The following MAP3K5 variants were observed in gnomAD, a reference collection of about 807,000 sequenced individuals.
MAP3K5 encodes the protein ASK-1.
Under a neutral mutation model 158.7 loss-of-function variants are expected in MAP3K5, and 56 were observed. The ratio of observed to expected loss-of-function variants is 0.35; its 90% CI spans 0.28 to 0.44. The LOEUF is 0.44. MAP3K5 is among the 20% of genes least tolerant of loss of function. The pLI is 1.00. For synonymous variants in MAP3K5, 579 were observed against 601.7 expected (o/e 0.96, Z 0.55); for missense variants, 1,294 against 1,674.8 (o/e 0.77, Z 3.97).
chr6:136,747,656 C>T (rs952728558), intron 1 of MAP3K5, among the ~76,000 whole-genome samples: 80 of 152,166 alleles, frequency 5.3e-4, no homozygotes, highest in African/African-American at 1.9e-3. Flanking sequence ...ATTGTGAGTT[C>T]AGACTAGTGT....
chr6:136,705,027 G>T, intron 3 of MAP3K5, 83 bp downstream of exon 3: 2 of 668,870 alleles, frequency 3.0e-6, no homozygotes, highest in Non-Finnish European at 5.0e-6. Flanking sequence ...TTAATAATTT[G>T]TGGAGATTTT....
In MAP3K5 at chr6:136,720,550, G is replaced by A. The variant is rs758452409; in HGVS notation, c.488C>T (p.Pro163Leu). 13 of 1,612,642 alleles carry A rather than the reference G, an allele frequency of 8.1e-6. No homozygotes were observed. Among genetic ancestry groups the A allele is most frequent in the East Asian group, 2.2e-5 (1 of 44,758 alleles). Reference sequence around the variant, plus strand: ...CACCCCAAGGTGGTAAAACAAGGACGGCTGCCGGAAGGCATCGCTCATCTC... The same window carrying A: ...CACCCCAAGGTGGTAAAACAAGGACAGCTGCCGGAAGGCATCGCTCATCTC... ...VVEMSDAFRQPSLFYHLGVRE... is the reference protein window; with the variant it reads ...VVEMSDAFRQLSLFYHLGVRE... The change falls in exon 2 of 30, where the codon CCG becomes CTG. Residue 163 changes from proline to leucine, a missense_variant. Around this residue, in one of 5 missense-constraint regions of MAP3K5, gnomAD observed 690 missense variants for 870.5 expected, o/e 0.79. Transcript: ENST00000359015.
intron 25 of MAP3K5, among the ~76,000 whole-genome samples, chr6:136,576,969 G>A (rs1013192364): frequency 1.3e-5 from 2 of 151,978 alleles, no homozygotes; most frequent in Non-Finnish European, 2.9e-5. Context: ...TGCGCATCTA[G>A]TAGGCTCTGC....
chr6:136,702,425 C>T (rs1017666794), intron 3 of MAP3K5, among the ~76,000 whole-genome samples: 1 of 152,176 alleles, frequency 6.6e-6, no homozygotes, highest in Non-Finnish European at 1.5e-5. Flanking sequence ...AATGTTATTT[C>T]TGTATTTTCT....
chr6:136,784,654 G>C (rs758851008), intron 1 of MAP3K5, among the ~76,000 whole-genome samples: 3 of 152,100 alleles, frequency 2.0e-5, no homozygotes, highest in Non-Finnish European at 2.9e-5. Flanking sequence ...GGGGCTGCAG[G>C]GCGGTTCCAA....
chr6:136,782,055 GAAA>G lies in MAP3K5; in HGVS notation c.448+9652_448+9654del, dbSNP rs376414394. Among the ~76,000 whole-genome samples, 37 of 132,782 alleles carry G rather than the reference GAAA, an allele frequency of 2.8e-4. 2 individuals are homozygous for G. Among genetic ancestry groups the G allele is most frequent in the Admixed American group, 1.1e-3 (15 of 13,392 alleles). The allele number at this position is 132,782 out of a possible 152,430, so 87.1% of individuals were successfully genotyped here. Reference sequence around the variant, plus strand: ...ACAAGGCAAAACCCTGTCTCTACTGGAAAAAAAAAAAAAAAAAGGGTATTTGAC... The same window carrying G: ...ACAAGGCAAAACCCTGTCTCTACTGGAAAAAAAAAAAAAAGGGTATTTGAC... On this transcript the variant is annotated intron_variant, in intron 1 of 29. Transcript: ENST00000359015.
chr6:136,617,887 C>G (rs1269801256), intron 15 of MAP3K5, among the ~76,000 whole-genome samples: 1 of 152,030 alleles, frequency 6.6e-6, no homozygotes, highest in Non-Finnish European at 1.5e-5. Flanking sequence ...GAGCCGAGAT[C>G]GCGCCACTGC....
chr6:136,782,213 G>T (rs779607236), intron 1 of MAP3K5, among the ~76,000 whole-genome samples: 9 of 151,216 alleles, frequency 6.0e-5, no homozygotes, highest in Non-Finnish European at 1.3e-4. Flanking sequence ...CCAGGAGTTA[G>T]AGACTGCAGT....
At chr6:136,790,568 G>A (rs1160897306) in intron 1 of MAP3K5, among the ~76,000 whole-genome samples, 1 of 152,162 alleles carries the variant, frequency 6.6e-6, no homozygotes, top group Non-Finnish European at 1.5e-5. Context: ...TTAACATGAA[G>A]GTCTTGTTGT....
At chr6:136,726,196 G>A (rs1202817922) in intron 1 of MAP3K5, among the ~76,000 whole-genome samples, 1 of 152,166 alleles carries the variant, frequency 6.6e-6, no homozygotes, top group Non-Finnish European at 1.5e-5. Context: ...GCTGGCTGTT[G>A]ATATCTATCA....
At chr6:136,612,360 C>T (rs1776381347) in intron 17 of MAP3K5, among the ~76,000 whole-genome samples, 1 of 152,120 alleles carries the variant, frequency 6.6e-6, no homozygotes, top group Non-Finnish European at 1.5e-5. Flanking sequence ...AAATATGATT[C>T]CTAATTGGTT....
chr6:136,570,024 G>C (rs1022113437), intron 25 of MAP3K5, among the ~76,000 whole-genome samples: 1 of 152,086 alleles, frequency 6.6e-6, no homozygotes, highest in African/African-American at 2.4e-5. Context: ...ACACATACAT[G>C]CAACATTTTG....
chr6:136,776,091 T>C (rs948284847), intron 1 of MAP3K5, among the ~76,000 whole-genome samples: 4 of 152,262 alleles, frequency 2.6e-5, no homozygotes, highest in Non-Finnish European at 4.4e-5. Flanking sequence ...TCATTACTTA[T>C]GTATATTTCA....
chr6:136,669,591 C>T (rs1196993339), intron 7 of MAP3K5, among the ~76,000 whole-genome samples, 196 bp from the exon 8 acceptor site: 1 of 151,916 alleles, frequency 6.6e-6, no homozygotes, highest in Non-Finnish European at 1.5e-5. Context: ...GTTGCTTTCC[C>T]CCGCTTAGCT....
intron 1 of MAP3K5, among the ~76,000 whole-genome samples, chr6:136,741,671 A>T (rs1034122424): frequency 6.6e-6 from 1 of 152,196 alleles, no homozygotes; most frequent in African/African-American, 2.4e-5. Flanking sequence ...AATAAAAAGT[A>T]TACTGATGGA....
chr6:136,619,087 G>C (rs1247291730), intron 15 of MAP3K5, among the ~76,000 whole-genome samples: 1 of 152,192 alleles, frequency 6.6e-6, no homozygotes, highest in African/African-American at 2.4e-5. Flanking sequence ...CAGGGTGAAA[G>C]TCACGCACTA....
chr6:136,735,282 T>TAA (rs1217680495), intron 1 of MAP3K5, among the ~76,000 whole-genome samples: 19 of 152,264 alleles, frequency 1.2e-4, no homozygotes, highest in Middle Eastern at 6.8e-3. Flanking sequence ...CTGAATTCCT[T>TAA]AACAAAAACA....
chr6:136,583,547 A>G lies in MAP3K5; in HGVS notation c.3411+8T>C. On this transcript the variant is annotated splice_region_variant and intron_variant, in intron 24 of 29. Coordinates refer to ENST00000359015, the MANE Select transcript of MAP3K5 (RefSeq NM_005923.4). ...TGTGGGAAAACACTGGCAAAATATCATACTTACAGCATCTTGAAAACCAAA... is the reference window on the plus strand; with the variant it reads ...TGTGGGAAAACACTGGCAAAATATCGTACTTACAGCATCTTGAAAACCAAA... 1.9e-6 allele frequency: 3 copies of G among 1,607,112 alleles called. No homozygotes were observed. The highest frequency in any genetic ancestry group is 2.5e-6 in the Non-Finnish European group (3 of 1,176,792).
intron 1 of MAP3K5, among the ~76,000 whole-genome samples, chr6:136,768,852 G>A (rs1044943290): frequency 1.3e-5 from 2 of 151,856 alleles, no homozygotes; most frequent in Non-Finnish European, 2.9e-5. Context: ...GACGGAGGTT[G>A]CAGTGAGCCA....
Sources: allele counts gnomAD v4.1 joint callset (sites outside exome capture counted in the v4.1 genomes callset), GRCh38; gene constraint gnomAD v4.1.1; regional missense constraint gnomAD v4.1.1; transcripts MANE v1.5; gene names NCBI Gene and HGNC (gene_info 2026-07-23, HGNC 2026-07-21).